Variants in TPST1 observed in about 807,000 individuals in gnomAD.
TPST1 encodes the protein protein-tyrosine sulfotransferase 1.
In TPST1, 20 loss-of-function variants were observed where a neutral mutation model predicts 34.8. The observed-to-expected ratio is 0.57, with a 90% CI of 0.40 to 0.84. The LOEUF (loss-of-function observed/expected upper bound fraction) is 0.84, where lower values mean the gene tolerates loss of function less well. Among genes scored for constraint, TPST1 ranks in the 40% least tolerant of loss-of-function variants. The pLI, the probability that TPST1 is intolerant of heterozygous loss-of-function variation, is 0.00. For synonymous variants in TPST1, 152 were observed against 159.4 expected, an observed-to-expected ratio of 0.95 and a Z score of 0.35; for missense variants, 353 against 455.5, an observed-to-expected ratio of 0.78 and a Z score of 2.05.
At chr7:66,352,783 A>G in intron 4 of TPST1, 6 of 985,434 alleles carry the variant, frequency 6.1e-6, no homozygotes, top group Non-Finnish European at 7.2e-6. Flanking sequence ...TGTCTCCCAA[A>G]ACCAGGGAAA....
At chr7:66,225,674 A>G (rs1562802864) in intron 1 of TPST1, among the ~76,000 whole-genome samples, 1 of 152,222 alleles carries the variant, frequency 6.6e-6, no homozygotes, top group Non-Finnish European at 1.5e-5. Flanking sequence ...GTGCATGCAC[A>G]CGCACACGTG....
At chr7:66,304,846 C>G (rs145106842) in intron 3 of TPST1, among the ~76,000 whole-genome samples, 231 of 148,498 alleles carry the variant, frequency 1.6e-3, no homozygotes, top group African/African-American at 5.5e-3. Flanking sequence ...TTGGCAAGGT[C>G]TTGTTCTGTC....
At chr7:66,305,212 G>A (rs1255028578) in intron 3 of TPST1, among the ~76,000 whole-genome samples, 3 of 152,104 alleles carry the variant, frequency 2.0e-5, no homozygotes, top group African/African-American at 4.8e-5. Flanking sequence ...TCATATCAAA[G>A]CAAAGAAGAA....
intron 3 of TPST1, among the ~76,000 whole-genome samples, chr7:66,302,504 A>G (rs903317073): frequency 2.0e-5 from 3 of 152,140 alleles, no homozygotes; most frequent in Non-Finnish European, 4.4e-5. Flanking sequence ...TCAGGTCAAG[A>G]GATTTGTTTT....
intron 3 of TPST1, among the ~76,000 whole-genome samples, chr7:66,305,331 G>A (rs781057617): frequency 1.3e-5 from 2 of 152,116 alleles, no homozygotes; most frequent in African/African-American, 4.8e-5. Flanking sequence ...TTGGTCCTCA[G>A]TAGTCACCTC....
chr7:66,243,855 C>T (rs1790089668), intron 2 of TPST1, among the ~76,000 whole-genome samples: 1 of 151,958 alleles, frequency 6.6e-6, no homozygotes, highest in South Asian at 2.1e-4. Context: ...GTAAATATCC[C>T]ATGTTCATTA....
intron 3 of TPST1, among the ~76,000 whole-genome samples, chr7:66,322,866 G>A (rs201296655): frequency 3.8e-5 from 1 of 26,464 alleles, no homozygotes; most frequent in Admixed American, 3.3e-4. Context: ...AAAGGTTCCA[G>A]TGGTGCACAA....
At chr7:66,325,772 A>G (rs1791853755) in intron 3 of TPST1, among the ~76,000 whole-genome samples, 2 of 151,988 alleles carry the variant, frequency 1.3e-5, no homozygotes, top group South Asian at 4.1e-4. Flanking sequence ...AGTAGCTGGG[A>G]TTACAGGCAC....
chr7:66,224,995 A>T (rs1187461515), intron 1 of TPST1, among the ~76,000 whole-genome samples: 1 of 131,484 alleles, frequency 7.6e-6, no homozygotes, highest in Non-Finnish European at 1.5e-5. Context: ...TTGGCTCACC[A>T]CAACCTCCAC....
intron 2 of TPST1, among the ~76,000 whole-genome samples, chr7:66,283,078 G>A (rs1042066554): frequency 1.3e-5 from 2 of 152,106 alleles, no homozygotes; most frequent in Admixed American, 1.3e-4. Flanking sequence ...AGACCAGCCT[G>A]GCCAATGTGG....
intron 3 of TPST1, among the ~76,000 whole-genome samples, chr7:66,341,851 A>G (rs1330842227): frequency 1.3e-5 from 2 of 152,250 alleles, no homozygotes; most frequent in African/African-American, 4.8e-5. Context: ...GTGAAGGAAC[A>G]AGAATAAATT....
intron 3 of TPST1, among the ~76,000 whole-genome samples, chr7:66,328,904 ATATTTTTTTTT>A (rs1390907271): frequency 2.1e-3 from 54 of 25,992 alleles, no homozygotes; most frequent in East Asian, 4.1e-3. Context: ...ATATATATAT[ATATTTTTTTTT>A]TTTTTTTTTT....
intron 3 of TPST1, among the ~76,000 whole-genome samples, chr7:66,318,057 G>T (rs1238860846): frequency 6.6e-6 from 1 of 152,152 alleles, no homozygotes; most frequent in African/African-American, 2.4e-5. Context: ...TACTGAGAAG[G>T]CTGAGTCAGG....
chr7:66,223,945 ATT>A (rs1789597477), intron 1 of TPST1, among the ~76,000 whole-genome samples: 2 of 152,118 alleles, frequency 1.3e-5, no homozygotes, highest in African/African-American at 4.8e-5. Flanking sequence ...TCCTGTCTCC[ATT>A]TGTGTTCTAG....
intron 3 of TPST1, among the ~76,000 whole-genome samples, chr7:66,343,281 C>A (rs1267285640): frequency 6.6e-6 from 1 of 152,110 alleles, no homozygotes; most frequent in Non-Finnish European, 1.5e-5. Context: ...AGGCCATTAT[C>A]CTAAGTGAAT....
chr7:66,258,451 T>C (rs1049829562), intron 2 of TPST1, among the ~76,000 whole-genome samples: 1 of 152,230 alleles, frequency 6.6e-6, no homozygotes, highest in Admixed American at 6.5e-5. Context: ...TTTGGAGCTT[T>C]GGCAACAGTT....
intron 1 of TPST1, among the ~76,000 whole-genome samples, chr7:66,230,920 G>C (rs1365718344): frequency 3.3e-5 from 5 of 152,192 alleles, no homozygotes; most frequent in Admixed American, 2.0e-4. Flanking sequence ...TAGATACAGT[G>C]TATCGACACA....
At chr7:66,258,007 C>T (rs140133918) in intron 2 of TPST1, among the ~76,000 whole-genome samples, 8 of 152,006 alleles carry the variant, frequency 5.3e-5, no homozygotes, top group Non-Finnish European at 1.2e-4. Flanking sequence ...TGGAAAAAAC[C>T]CAACTTGGTA....
At chr7:66,346,972 GTATT>G (rs1792363634) in intron 3 of TPST1, among the ~76,000 whole-genome samples, 1 of 148,392 alleles carries the variant, frequency 6.7e-6, no homozygotes, top group African/African-American at 2.5e-5. Context: ...TTAGATTTAA[GTATT>G]TAATTCATTT....
Sources: allele counts gnomAD v4.1 joint callset (sites outside exome capture counted in the v4.1 genomes callset), GRCh38; gene constraint gnomAD v4.1.1; transcripts MANE v1.5; gene names NCBI Gene and HGNC (gene_info 2026-07-23, HGNC 2026-07-21).